Variants in SUCLG2 observed in about 807,000 individuals in gnomAD.
SUCLG2 encodes succinate-CoA ligase GDP-forming subunit beta, also known as succinate--CoA ligase [GDP-forming] subunit beta, mitochondrial.
A neutral mutation model predicts 47.9 loss-of-function variants in SUCLG2; 42 were observed. The ratio of observed to expected loss-of-function variants is 0.88; its 90% CI spans 0.69 to 1.14. SUCLG2 has a LOEUF of 1.14. Ranked by LOEUF, SUCLG2 falls within the 50% of genes most tolerant of loss-of-function variation. SUCLG2 has a pLI of 0.00. For synonymous variants in SUCLG2, 195 were observed against 197.3 expected (o/e 0.99, Z 0.10); for missense variants, 571 against 525.9 (o/e 1.09, Z -0.84).
At chr3:67,379,074 G>A (rs1702094733) in intron 10 of SUCLG2, among the ~76,000 whole-genome samples, 1 of 152,164 alleles carries the variant, frequency 6.6e-6, no homozygotes, top group South Asian at 2.1e-4. Context: ...AGCCTCCTGA[G>A]TAGCTGGGAT....
intron 2 of SUCLG2, among the ~76,000 whole-genome samples, chr3:67,548,194 G>C (rs1353055263): frequency 6.6e-6 from 1 of 152,234 alleles, no homozygotes; most frequent in Admixed American, 6.5e-5. Context: ...GGAAGAAACA[G>C]AGTTGAGATT....
intron 7 of SUCLG2, among the ~76,000 whole-genome samples, chr3:67,501,872 C>T (rs1301866720): frequency 6.6e-6 from 1 of 151,966 alleles, no homozygotes; most frequent in Non-Finnish European, 1.5e-5. Flanking sequence ...TCTGGCTATT[C>T]CTTTGTATCA....
At chr3:67,510,954 G>A (rs1390831370) in intron 6 of SUCLG2, among the ~76,000 whole-genome samples, 2 of 147,668 alleles carry the variant, frequency 1.4e-5, no homozygotes, top group Non-Finnish European at 3.0e-5. Flanking sequence ...GCAATGGCGC[G>A]ATCTCAGCTC....
intron 2 of SUCLG2, among the ~76,000 whole-genome samples, chr3:67,608,040 A>G (rs1406829328): frequency 2.0e-5 from 3 of 152,224 alleles, no homozygotes; most frequent in Admixed American, 6.5e-5. Context: ...GGAAATAAGT[A>G]CTATTAGCTT....
chr3:67,513,290 C>T (rs1465112016), intron 6 of SUCLG2, among the ~76,000 whole-genome samples: 3 of 152,216 alleles, frequency 2.0e-5, no homozygotes, highest in African/African-American at 4.8e-5. Flanking sequence ...TAAGCCTACA[C>T]CAATTTTGCT....
At chr3:67,476,159 G>C (rs1359131017) in intron 9 of SUCLG2, among the ~76,000 whole-genome samples, 1 of 151,900 alleles carries the variant, frequency 6.6e-6, no homozygotes, top group Non-Finnish European at 1.5e-5. Context: ...ATGTTATACA[G>C]CTGTCCCTAA....
At chr3:67,579,376 T>A (rs1248601906) in intron 2 of SUCLG2, among the ~76,000 whole-genome samples, 1 of 152,238 alleles carries the variant, frequency 6.6e-6, no homozygotes, top group Non-Finnish European at 1.5e-5. Context: ...AGCTTTGTTT[T>A]TCTGAGATGA....
chr3:67,515,135 G>C (rs183922498), intron 6 of SUCLG2, among the ~76,000 whole-genome samples: 2 of 152,324 alleles, frequency 1.3e-5, no homozygotes, highest in Non-Finnish European at 1.5e-5. Context: ...TTTTGAGAAA[G>C]AGACCATATT....
intron 10 of SUCLG2, among the ~76,000 whole-genome samples, chr3:67,386,259 T>C (rs1702256617): frequency 6.6e-6 from 1 of 151,304 alleles, no homozygotes; most frequent in South Asian, 2.1e-4. Context: ...CGGCTAATTT[T>C]TTTTTTTTTT....
intron 9 of SUCLG2, among the ~76,000 whole-genome samples, chr3:67,460,495 C>G (rs1261006320): frequency 6.6e-6 from 1 of 152,144 alleles, no homozygotes; most frequent in Non-Finnish European, 1.5e-5. Context: ...TGGGAAGTGA[C>G]TTTTCTAAGG....
intron 1 of SUCLG2, among the ~76,000 whole-genome samples, chr3:67,629,968 C>A (rs919794516): frequency 6.6e-6 from 1 of 152,088 alleles, no homozygotes; most frequent in African/African-American, 2.4e-5. Flanking sequence ...TCTCTGCCCC[C>A]TTCTCATCTT....
intron 9 of SUCLG2, among the ~76,000 whole-genome samples, chr3:67,409,795 C>T (rs564144089): frequency 1.3e-5 from 2 of 151,962 alleles, no homozygotes; most frequent in South Asian, 2.1e-4. Flanking sequence ...ATATAGACTT[C>T]CAGCTCTAAA....
chr3:67,579,332 T>C (rs907904305), intron 2 of SUCLG2, among the ~76,000 whole-genome samples: 2 of 152,150 alleles, frequency 1.3e-5, no homozygotes, highest in Admixed American at 1.3e-4. Context: ...ATAAGTTCTC[T>C]ACACATAATT....
chr3:67,581,579 T>C (rs1707878984), intron 2 of SUCLG2, among the ~76,000 whole-genome samples: 1 of 152,212 alleles, frequency 6.6e-6, no homozygotes, highest in African/African-American at 2.4e-5. Context: ...GCACCAAAGC[T>C]GTGATGGTGA....
At chr3:67,480,217 A>C (rs1395617935) in intron 9 of SUCLG2, among the ~76,000 whole-genome samples, 1 of 152,188 alleles carries the variant, frequency 6.6e-6, no homozygotes, top group Non-Finnish European at 1.5e-5. Flanking sequence ...CTCTAATTTA[A>C]GGGGTTAAAG....
At chr3:67,501,585 T>C (rs1705496150) in intron 7 of SUCLG2, among the ~76,000 whole-genome samples, 1 of 152,160 alleles carries the variant, frequency 6.6e-6, no homozygotes, top group South Asian at 2.1e-4. Context: ...TTTTGTTCTA[T>C]TAAGGTAAGT....
At chr3:67,407,842 G>C (rs965810470) in intron 9 of SUCLG2, among the ~76,000 whole-genome samples, 2 of 152,104 alleles carry the variant, frequency 1.3e-5, no homozygotes, top group African/African-American at 4.8e-5. Context: ...TTGTGAAACT[G>C]TTTTTCTTTT....
At chr3:67,621,486 G>C (rs988900272) in intron 1 of SUCLG2, among the ~76,000 whole-genome samples, 8 of 152,156 alleles carry the variant, frequency 5.3e-5, no homozygotes, top group Non-Finnish European at 1.2e-4. Flanking sequence ...TAGTTTGAAT[G>C]TTTCTTCCCT....
intron 2 of SUCLG2, among the ~76,000 whole-genome samples, chr3:67,532,062 C>T (rs938160786): frequency 9.2e-5 from 14 of 152,134 alleles, no homozygotes; most frequent in Non-Finnish European, 1.9e-4. Context: ...CTGAATAAGA[C>T]GACTTAACCA....
Sources: allele counts gnomAD v4.1 joint callset (sites outside exome capture counted in the v4.1 genomes callset), GRCh38; gene constraint gnomAD v4.1.1; transcripts MANE v1.5; gene names NCBI Gene and HGNC (gene_info 2026-07-23, HGNC 2026-07-21).